The following MLLT3 variants were observed in gnomAD, a reference collection of about 807,000 sequenced individuals.
MLLT3 encodes the protein MLLT3 super elongation complex subunit, also known as protein AF-9.
A neutral mutation model predicts 53.2 loss-of-function variants in MLLT3; 4 were observed. The ratio of observed to expected loss-of-function variants is 0.08; its 90% CI spans 0.04 to 0.17. The LOEUF (loss-of-function observed/expected upper bound fraction) is 0.17, where lower values mean the gene tolerates loss of function less well. Ranked by LOEUF, MLLT3 falls within the 10% of genes least tolerant of loss-of-function variation. The probability of loss-of-function intolerance (pLI) is 1.00; values close to 1 mark genes in which losing one functional copy is unlikely to be tolerated. For missense variants in MLLT3, 569 were observed against 684.0 expected (o/e 0.83, Z 1.87); for synonymous variants, 283 against 230.6 (o/e 1.23, Z -2.06).
intron 2 of MLLT3, among the ~76,000 whole-genome samples, chr9:20,583,828 G>C (rs1446593684): frequency 6.6e-6 from 1 of 152,190 alleles, no homozygotes; most frequent in Non-Finnish European, 1.5e-5. Context: ...GCATGTGATG[G>C]AAGGCGCTGC....
chr9:20,422,042 G>T (rs562331236), intron 4 of MLLT3, among the ~76,000 whole-genome samples: 3 of 151,954 alleles, frequency 2.0e-5, no homozygotes, highest in Non-Finnish European at 4.4e-5. Context: ...TTTAAACACC[G>T]AGTCTAAACA....
At chr9:20,533,777 G>A (rs9695121) in intron 2 of MLLT3, among the ~76,000 whole-genome samples, 67,364 of 152,062 alleles carry the variant, frequency 0.44, 15,607 homozygotes, top group East Asian at 0.69. Context: ...AGGACATTAT[G>A]CTAAGTGTAA....
intron 4 of MLLT3, among the ~76,000 whole-genome samples, chr9:20,436,637 C>T (rs1231092776): frequency 2.0e-5 from 3 of 152,030 alleles, no homozygotes; most frequent in Non-Finnish European, 2.9e-5. Context: ...TATGTGTAAC[C>T]GTAGAAAGAA....
chr9:20,415,026 A>G (rs1822836720), intron 4 of MLLT3, among the ~76,000 whole-genome samples: 1 of 152,202 alleles, frequency 6.6e-6, no homozygotes, highest in South Asian at 2.1e-4. Context: ...CAAGATTGAG[A>G]AGGAGGCAGA....
intron 4 of MLLT3, among the ~76,000 whole-genome samples, chr9:20,416,878 G>A (rs1563957771): frequency 2.0e-5 from 3 of 152,078 alleles, no homozygotes; most frequent in Admixed American, 6.5e-5. Flanking sequence ...TTTGTCCTGG[G>A]CCCATGACCA....
At chr9:20,387,412 T>G (rs957052597) in intron 5 of MLLT3, among the ~76,000 whole-genome samples, 1 of 152,368 alleles carries the variant, frequency 6.6e-6, no homozygotes, top group African/African-American at 2.4e-5. Flanking sequence ...TCTGATTTAG[T>G]TTATCCTATT....
At chr9:20,432,385 C>CTT (rs140218720) in intron 4 of MLLT3, among the ~76,000 whole-genome samples, 235 of 152,100 alleles carry the variant, frequency 1.5e-3, no homozygotes, top group African/African-American at 5.4e-3. Flanking sequence ...ATATTCTTAC[C>CTT]TTTTTTTACC....
intron 2 of MLLT3, among the ~76,000 whole-genome samples, chr9:20,478,500 A>G (rs774883429): frequency 5.3e-5 from 8 of 152,138 alleles, no homozygotes; most frequent in Non-Finnish European, 8.8e-5. Context: ...GCAGAGTGAG[A>G]CACTGTGCCC....
At chr9:20,509,294 C>T (rs1413121103) in intron 2 of MLLT3, among the ~76,000 whole-genome samples, 1 of 152,030 alleles carries the variant, frequency 6.6e-6, no homozygotes, top group Admixed American at 6.5e-5. Flanking sequence ...AGTATGTTCA[C>T]CATGGACAGT....
intron 5 of MLLT3, among the ~76,000 whole-genome samples, chr9:20,393,290 C>G (rs1184843893): frequency 2.6e-5 from 4 of 152,146 alleles, no homozygotes; most frequent in African/African-American, 9.7e-5. Flanking sequence ...CCAAATGTTC[C>G]TTAACTACGT....
chr9:20,617,555 A>G (rs796357464), intron 2 of MLLT3, among the ~76,000 whole-genome samples: 20 of 152,346 alleles, frequency 1.3e-4, no homozygotes, highest in African/African-American at 4.8e-4. Context: ...CTAAAAACAA[A>G]AACATTAATA....
At chr9:20,404,137 A>T (rs1251075810) in intron 5 of MLLT3, among the ~76,000 whole-genome samples, 2 of 152,192 alleles carry the variant, frequency 1.3e-5, no homozygotes, top group Non-Finnish European at 2.9e-5. Context: ...TAAACATTTT[A>T]AACTAAGGTG....
chr9:20,515,264 G>A (rs1817880745), intron 2 of MLLT3, among the ~76,000 whole-genome samples: 1 of 151,988 alleles, frequency 6.6e-6, no homozygotes, highest in African/African-American at 2.4e-5. Flanking sequence ...CAATTTTTAG[G>A]CAATGCTCCA....
intron 5 of MLLT3, among the ~76,000 whole-genome samples, chr9:20,391,828 G>A (rs902394410): frequency 3.3e-5 from 5 of 152,104 alleles, no homozygotes; most frequent in Admixed American, 6.6e-5. Flanking sequence ...GATAAATGTC[G>A]AACTAGCAGC....
intron 4 of MLLT3, among the ~76,000 whole-genome samples, chr9:20,440,699 A>G (rs114630391): frequency 6.6e-6 from 1 of 152,308 alleles, no homozygotes; most frequent in African/African-American, 2.4e-5. Context: ...AAGACGAAAT[A>G]GAGAAACAGA....
intron 2 of MLLT3, among the ~76,000 whole-genome samples, chr9:20,586,632 G>A (rs549644971): frequency 3.9e-5 from 6 of 151,972 alleles, no homozygotes; most frequent in Non-Finnish European, 8.8e-5. Context: ...TTCAAACTAT[G>A]GCAGGTCACA....
At chr9:20,472,212 T>C (rs1328236348) in intron 2 of MLLT3, among the ~76,000 whole-genome samples, 1 of 152,098 alleles carries the variant, frequency 6.6e-6, no homozygotes, top group Non-Finnish European at 1.5e-5. Context: ...GCCTTAAATT[T>C]ACTGACATAA....
chr9:20,375,559 G>T (rs551047749), intron 5 of MLLT3, among the ~76,000 whole-genome samples: 1 of 150,138 alleles, frequency 6.7e-6, no homozygotes, highest in African/African-American at 2.5e-5. Context: ...ATATTACAAT[G>T]AATCCTGGCT....
intron 4 of MLLT3, among the ~76,000 whole-genome samples, chr9:20,437,104 C>T (rs1007797256): frequency 6.6e-6 from 1 of 151,954 alleles, no homozygotes; most frequent in African/African-American, 2.4e-5. Context: ...AACTGTTATG[C>T]TGTATCCATT....
Sources: gnomAD v4.1 joint callset for allele counts (sites outside exome capture counted in the v4.1 genomes callset) on GRCh38, gnomAD v4.1.1 for gene constraint, MANE v1.5 for transcripts, NCBI Gene and HGNC (gene_info 2026-07-23, HGNC 2026-07-21) for gene names.